PTK2: variants seen among roughly 807,000 people sequenced by gnomAD.
PTK2 encodes protein tyrosine kinase 2.
In PTK2, 45 loss-of-function variants were observed where a neutral mutation model predicts 150.1. The ratio of observed to expected loss-of-function variants is 0.30; its 90% CI spans 0.24 to 0.38. The LOEUF is 0.38. PTK2 is among the 10% of genes least tolerant of loss of function. The probability of loss-of-function intolerance (pLI) is 1.00; values close to 1 mark genes in which losing one functional copy is unlikely to be tolerated. For synonymous variants in PTK2, 432 were observed against 449.2 expected (o/e 0.96, Z 0.48); for missense variants, 919 against 1,307.3 (o/e 0.70, Z 4.58).
intron 1 of PTK2, among the ~76,000 whole-genome samples, chr8:140,979,441 CA>C (rs939451220): frequency 1.1e-4 from 17 of 148,528 alleles, no homozygotes; most frequent in African/African-American, 4.2e-4. Context: ...AGGTCCTTCA[CA>C]GAAGACAAAA....
chr8:140,876,021 TA>T (rs1020733541), intron 4 of PTK2, among the ~76,000 whole-genome samples: 22 of 152,350 alleles, frequency 1.4e-4, no homozygotes, highest in African/African-American at 5.3e-4. Context: ...AAAAGATGTT[TA>T]AAATTTTTTT....
At chr8:140,788,855 T>C (rs2100086581) in intron 14 of PTK2, among the ~76,000 whole-genome samples, 1 of 152,180 alleles carries the variant, frequency 6.6e-6, no homozygotes, top group Non-Finnish European at 1.5e-5. Flanking sequence ...ATACAGATGG[T>C]ATATGTATTT....
chr8:140,719,658 T>C (rs1362306257), intron 22 of PTK2, among the ~76,000 whole-genome samples: 10 of 152,148 alleles, frequency 6.6e-5, no homozygotes, highest in African/African-American at 2.2e-4. Context: ...TTTGTTAACT[T>C]TGCTAACTTG....
chr8:140,681,990 T>A (rs1276362342), intron 27 of PTK2, among the ~76,000 whole-genome samples: 1 of 152,190 alleles, frequency 6.6e-6, no homozygotes, highest in Non-Finnish European at 1.5e-5. Flanking sequence ...ATAAATAGGT[T>A]AAATATAATT....
At chr8:140,735,173 TAAAATGCTATTACTGCAAGGAGGAG>T in intron 22 of PTK2, 53 bp downstream of exon 25, 1 of 1,382,986 alleles carries the variant, frequency 7.2e-7, no homozygotes, top group Non-Finnish European at 1.0e-6. Flanking sequence ...ATAATGACCT[TAAAATGCTATTACTGCAAGGAGGAG>T]AAGCAGCATA....
intron 18 of PTK2, 53 bp from the exon 22 acceptor site, chr8:140,744,820 G>T: frequency 9.4e-7 from 1 of 1,064,390 alleles, no homozygotes; most frequent in Non-Finnish European, 1.4e-6. Flanking sequence ...TAGTGGCAGT[G>T]AATCGAAATC....
chr8:140,984,549 A>C (rs952091179), intron 1 of PTK2, among the ~76,000 whole-genome samples: 1 of 152,068 alleles, frequency 6.6e-6, no homozygotes, highest in Non-Finnish European at 1.5e-5. Context: ...AGAAGCCTTC[A>C]TATAGTGCCT....
intron 2 of PTK2, among the ~76,000 whole-genome samples, chr8:140,910,724 G>A (rs2100162801): frequency 6.6e-6 from 1 of 152,064 alleles, no homozygotes; most frequent in South Asian, 2.1e-4. Flanking sequence ...CAGCTCTATA[G>A]TCACATGAAG....
In PTK2 at chr8:140,744,784, C is replaced by CAAA. The variant is rs767849643; in HGVS notation, c.1519-20_1519-18dup. ...TGACCTCAGCTTTTGGAACAATGACCAAAAGAAAAAAAAAAAAAAAAGAAT... is the reference window on the plus strand; with the variant it reads ...TGACCTCAGCTTTTGGAACAATGACCAAAAAAAGAAAAAAAAAAAAAAAAGAAT... On this transcript the variant is annotated splice_polypyrimidine_tract_variant and intron_variant, in intron 18 of 31. Transcript: ENST00000522684. 7.8e-6 allele frequency: 6 copies of CAAA among 773,164 alleles called. No individual in the cohort carries two copies. The highest frequency in any genetic ancestry group is 3.4e-5 in the East Asian group (1 of 29,658). 47.9% of individuals were successfully genotyped at this position (773,164 alleles called of 1,614,324 possible).
chr8:140,844,377 G>T (rs2100124088), intron 7 of PTK2, among the ~76,000 whole-genome samples: 1 of 152,110 alleles, frequency 6.6e-6, no homozygotes, highest in East Asian at 1.9e-4. Flanking sequence ...TTGAGAGAGG[G>T]TATTTACATA....
chr8:140,811,680 C>G (rs539491558), intron 10 of PTK2, among the ~76,000 whole-genome samples: 1 of 152,236 alleles, frequency 6.6e-6, no homozygotes, highest in Non-Finnish European at 1.5e-5. Context: ...TAAAACAATA[C>G]AGGAGCTGAG....
intron 2 of PTK2, among the ~76,000 whole-genome samples, chr8:140,916,662 C>T (rs752296696): frequency 9.2e-5 from 14 of 152,216 alleles, no homozygotes; most frequent in East Asian, 1.9e-4. Context: ...ATGAATAGTA[C>T]GCAAACATCT....
exon 32 of PTK2, chr8:140,658,505 T>G (rs773971787): frequency 1.0e-5 from 2 of 191,986 alleles, no homozygotes; most frequent in African/African-American, 2.3e-5. Flanking sequence ...GAGGGTATAT[T>G]TTTTCAAAAT....
chr8:140,923,019 A>T (rs1318350748), intron 2 of PTK2, among the ~76,000 whole-genome samples: 2 of 152,184 alleles, frequency 1.3e-5, no homozygotes, highest in Non-Finnish European at 2.9e-5. Flanking sequence ...GATGGAGAGA[A>T]TGAGGGAGAG....
intron 7 of PTK2, among the ~76,000 whole-genome samples, chr8:140,845,525 C>T (rs1317135071): frequency 6.6e-6 from 1 of 152,180 alleles, no homozygotes; most frequent in Non-Finnish European, 1.5e-5. Context: ...GTGAAAACAC[C>T]TCACACATCA....
At chr8:140,831,410 T>A (rs1165439109) in intron 7 of PTK2, among the ~76,000 whole-genome samples, 1 of 152,192 alleles carries the variant, frequency 6.6e-6, no homozygotes. Context: ...ATATCACATA[T>A]AATAAACTGA....
chr8:140,875,071 C>T (rs1020345880), intron 4 of PTK2, among the ~76,000 whole-genome samples: 3 of 152,074 alleles, frequency 2.0e-5, no homozygotes, highest in African/African-American at 7.2e-5. Flanking sequence ...TCACAAGGAG[C>T]TTCAGGTAGG....
intron 8 of PTK2, chr8:140,821,341 C>A (rs1031844204): frequency 1.3e-5 from 2 of 152,266 alleles, no homozygotes; most frequent in East Asian, 1.9e-4. Flanking sequence ...AGCAAGAAAA[C>A]ACTAGTGGCA....
intron 1 of PTK2, among the ~76,000 whole-genome samples, chr8:140,988,504 C>T (rs763186874): frequency 6.6e-6 from 1 of 151,976 alleles, no homozygotes; most frequent in African/African-American, 2.4e-5. Flanking sequence ...CCAAGGCAGG[C>T]GGATCACAAG....
Sources: gnomAD v4.1 joint callset for allele counts (sites outside exome capture counted in the v4.1 genomes callset) on GRCh38, gnomAD v4.1.1 for gene constraint, MANE v1.5 for transcripts, NCBI Gene and HGNC (gene_info 2026-07-23, HGNC 2026-07-21) for gene names.